Variants in CNGB3 observed in about 807,000 individuals in gnomAD.
CNGB3 encodes cyclic nucleotide gated channel subunit beta 3.
A neutral mutation model predicts 92.8 loss-of-function variants in CNGB3; 86 were observed. That is an observed-to-expected ratio of 0.93 (90% CI 0.78 to 1.11). The LOEUF (loss-of-function observed/expected upper bound fraction) is 1.11. Ranked by LOEUF, CNGB3 falls within the 50% of genes least tolerant of loss-of-function variation. The probability of loss-of-function intolerance (pLI) is 0.00; values close to 1 mark genes in which losing one functional copy is unlikely to be tolerated. For synonymous variants in CNGB3, 333 were observed against 332.7 expected (o/e 1.00, Z -0.01); for missense variants, 1,026 against 956.8 (o/e 1.07, Z -0.95).
At position 86,632,794 on chromosome 8, in the gene CNGB3, A is replaced by G. The variant is rs2131585418; in HGVS notation, c.1278T>C (p.Asn426=). ...AGAACACAAAAACTCCAGAAAAAAA[A>G]TTCAAGAGTTGAAAAACAATTTCAA... The part of the protein sequence containing the change: ...TLFEIVFQLL[N]FFSGVFVFSS... The change falls in exon 11 of 18, where the codon AAT becomes AAC. Residue 426 remains asparagine, a synonymous_variant. Coordinates refer to ENST00000320005, the MANE Select transcript of CNGB3 (RefSeq NM_019098.5). The G allele has an allele frequency of 3.1e-6, 5 of 1,613,128 alleles. No homozygotes were observed. Among genetic ancestry groups the G allele is most frequent in the Non-Finnish European group, 4.2e-6 (5 of 1,179,838 alleles).
chr8:86,709,555 C>T (rs1824711794), intron 3 of CNGB3, among the ~76,000 whole-genome samples: 1 of 152,074 alleles, frequency 6.6e-6, no homozygotes, highest in Non-Finnish European at 1.5e-5. Context: ...GGCATGAAAA[C>T]GAGTTGTTGG....
chr8:86,648,883 A>C (rs1031234078), intron 7 of CNGB3, among the ~76,000 whole-genome samples: 14 of 151,566 alleles, frequency 9.2e-5, no homozygotes, highest in Non-Finnish European at 2.1e-4. Flanking sequence ...CGCTGATGAT[A>C]TGATCGTATC....
chr8:86,729,734 A>AT (rs1431430468), intron 2 of CNGB3, among the ~76,000 whole-genome samples: 1 of 152,246 alleles, frequency 6.6e-6, no homozygotes, highest in African/African-American at 2.4e-5. Flanking sequence ...TTGTGGAAAC[A>AT]GATGGTCAGA....
intron 15 of CNGB3, among the ~76,000 whole-genome samples, chr8:86,602,180 G>A (rs1339349437): frequency 6.6e-6 from 1 of 152,140 alleles, no homozygotes; most frequent in Non-Finnish European, 1.5e-5. Flanking sequence ...ACTTTTGCAA[G>A]GACTCCCAGG....
At chr8:86,614,161 C>T (rs1027625938) in intron 13 of CNGB3, among the ~76,000 whole-genome samples, 1 of 151,950 alleles carries the variant, frequency 6.6e-6, no homozygotes, top group African/African-American at 2.4e-5. Flanking sequence ...GTTTCCAGTT[C>T]TCTACCTCTT....
chr8:86,680,599 A>G (rs1483598090), intron 3 of CNGB3, among the ~76,000 whole-genome samples: 3 of 152,168 alleles, frequency 2.0e-5, no homozygotes, highest in Admixed American at 6.5e-5. Flanking sequence ...CTAGGTGGTG[A>G]GAGGGAATTT....
intron 6 of CNGB3, among the ~76,000 whole-genome samples, chr8:86,664,825 A>G (rs1192811849): frequency 6.6e-6 from 1 of 152,062 alleles, no homozygotes; most frequent in Non-Finnish European, 1.5e-5. Context: ...TGATTTGCCC[A>G]TATCTGTGAG....
chr8:86,740,252 A>G (rs781597793), intron 1 of CNGB3, among the ~76,000 whole-genome samples: 3 of 152,212 alleles, frequency 2.0e-5, no homozygotes, highest in Non-Finnish European at 2.9e-5. Flanking sequence ...AGGTTAGAAC[A>G]TAAAGATTGA....
intron 3 of CNGB3, among the ~76,000 whole-genome samples, chr8:86,673,579 A>C (rs1446532174): frequency 6.6e-6 from 1 of 152,250 alleles, no homozygotes; most frequent in African/African-American, 2.4e-5. Context: ...GGTATTAAGC[A>C]GACGAAAGGC....
rs183454438 is a variant in CNGB3, at chr8:86,692,533, G to A, written c.339-21435C>T. 1.3e-3 allele frequency among the ~76,000 whole-genome samples: 196 copies of A among 152,156 alleles called. 1 individual carries two copies. The highest frequency in any genetic ancestry group is 4.3e-3 in the African/African-American group (180 of 41,524). On this transcript the variant is annotated intron_variant, in intron 3 of 17. Coordinates refer to ENST00000320005, the MANE Select transcript of CNGB3 (RefSeq NM_019098.5). ...GCTTTAAAGTCTTTTTTGTCTGTTA[G>A]AATAACAGCTACTCCTGGTTGCCTT...
chr8:86,717,553 C>T (rs1181765834), intron 3 of CNGB3, among the ~76,000 whole-genome samples: 2 of 98,762 alleles, frequency 2.0e-5, no homozygotes, highest in East Asian at 3.2e-4. Context: ...CAGAGTGAGA[C>T]TCTGTCTCAA....
At chr8:86,720,511 ATGGG>A in intron 3 of CNGB3, among the ~76,000 whole-genome samples, 1 of 152,204 alleles carries the variant, frequency 6.6e-6, no homozygotes, top group East Asian at 1.9e-4. Flanking sequence ...AGATGTTGGC[ATGGG>A]TGTGGTTAAA....
intron 1 of CNGB3, among the ~76,000 whole-genome samples, chr8:86,742,166 C>G (rs761023124): frequency 6.6e-6 from 1 of 152,166 alleles, no homozygotes; most frequent in Admixed American, 6.5e-5. Context: ...TAGCTATTAA[C>G]GGTTTTTATG....
intron 3 of CNGB3, among the ~76,000 whole-genome samples, chr8:86,672,847 T>G (rs1035050519): frequency 2.6e-5 from 4 of 152,172 alleles, no homozygotes; most frequent in Admixed American, 6.5e-5. Context: ...TGTCTCAGAA[T>G]CAAGATCTCC....
At chr8:86,697,797 C>A (rs575209889) in intron 3 of CNGB3, among the ~76,000 whole-genome samples, 1 of 151,954 alleles carries the variant, frequency 6.6e-6, no homozygotes, top group South Asian at 2.1e-4. Context: ...CCTCCTCCCC[C>A]CACCCCATGA....
intron 14 of CNGB3, among the ~76,000 whole-genome samples, chr8:86,608,991 G>A (rs1284943313): frequency 1.3e-5 from 2 of 152,014 alleles, no homozygotes; most frequent in African/African-American, 2.4e-5. Flanking sequence ...CTCTCTCATC[G>A]CCGCACACAG....
rs147889308 is a variant in CNGB3, at chr8:86,612,626, A to G, written c.1579-955T>C. Among the ~76,000 whole-genome samples, 69 of 152,336 alleles carry G rather than the reference A, an allele frequency of 4.5e-4. 1 individual carries two copies. The highest frequency in any genetic ancestry group is 1.6e-3 in the African/African-American group (67 of 41,584). ...AGCTTCAGTAGCAGACACTTGACCTAGATCCATATGAAATTTAGACTTCAG... is the reference window on the plus strand; with the variant it reads ...AGCTTCAGTAGCAGACACTTGACCTGGATCCATATGAAATTTAGACTTCAG... On this transcript the variant is annotated intron_variant, in intron 13 of 17. Transcript: ENST00000320005.
intron 3 of CNGB3, among the ~76,000 whole-genome samples, chr8:86,715,686 T>C (rs922037310): frequency 7.9e-5 from 12 of 152,028 alleles, no homozygotes; most frequent in Admixed American, 3.9e-4. Flanking sequence ...AGAAGGTTGA[T>C]TATTAAGCTA....
At chr8:86,703,793 T>C (rs1411546931) in intron 3 of CNGB3, among the ~76,000 whole-genome samples, 1 of 152,196 alleles carries the variant, frequency 6.6e-6, no homozygotes, top group African/African-American at 2.4e-5. Context: ...CAGTGATTTG[T>C]ATTTTTCAAC....
Sources: gnomAD v4.1 joint callset for allele counts (sites outside exome capture counted in the v4.1 genomes callset) on GRCh38, gnomAD v4.1.1 for gene constraint, MANE v1.5 for transcripts, NCBI Gene and HGNC (gene_info 2026-07-23, HGNC 2026-07-21) for gene names.